Variants in TMEM108 observed in about 807,000 individuals in gnomAD.
TMEM108 encodes the protein cancer/testis antigen 124.
Under a neutral mutation model 35.1 loss-of-function variants are expected in TMEM108, and 12 were observed. The observed-to-expected ratio is 0.34, with a 90% CI of 0.22 to 0.55. The LOEUF is 0.55. Ranked by LOEUF, TMEM108 falls within the 20% of genes least tolerant of loss-of-function variation. The pLI is 0.89. For synonymous variants in TMEM108, 287 were observed against 308.6 expected (o/e 0.93, Z 0.73); for missense variants, 680 against 753.3 (o/e 0.90, Z 1.14).
intron 3 of TMEM108, among the ~76,000 whole-genome samples, chr3:133,372,276 C>T (rs954658): frequency 0.15 from 22,770 of 152,094 alleles, 1,872 homozygotes; most frequent in East Asian, 0.29. Flanking sequence ...CTTGGGCAGT[C>T]AGGATCAGAG....
chr3:133,129,161 A>G (rs1171834994), intron 2 of TMEM108, among the ~76,000 whole-genome samples: 1 of 152,140 alleles, frequency 6.6e-6, no homozygotes, highest in Non-Finnish European at 1.5e-5. Context: ...CCTGGCCAAC[A>G]TGGTGAAACC....
intron 3 of TMEM108, among the ~76,000 whole-genome samples, chr3:133,239,738 C>T (rs368103816): frequency 2.6e-5 from 4 of 152,314 alleles, no homozygotes; most frequent in East Asian, 1.9e-4. Flanking sequence ...CTATTGTAGA[C>T]TTATGAAGGG....
intron 3 of TMEM108, among the ~76,000 whole-genome samples, chr3:133,282,958 A>G (rs771718347): frequency 1.3e-5 from 2 of 152,250 alleles, no homozygotes; most frequent in Non-Finnish European, 2.9e-5. Flanking sequence ...GCATGGTGTT[A>G]CTTGTGTGAA....
At chr3:133,198,104 G>A (rs1416469639) in intron 2 of TMEM108, among the ~76,000 whole-genome samples, 1 of 152,204 alleles carries the variant, frequency 6.6e-6, no homozygotes, top group Non-Finnish European at 1.5e-5. Flanking sequence ...TCAGAAGGGT[G>A]AGCGTTGTCC....
intron 3 of TMEM108, among the ~76,000 whole-genome samples, chr3:133,254,067 G>A (rs898366243): frequency 2.0e-5 from 3 of 152,230 alleles, no homozygotes; most frequent in Non-Finnish European, 4.4e-5. Flanking sequence ...GCCAGGCACA[G>A]TGGGTCACAC....
chr3:133,168,925 C>CA (rs1945086273), intron 2 of TMEM108, among the ~76,000 whole-genome samples: 1 of 152,100 alleles, frequency 6.6e-6, no homozygotes, highest in Non-Finnish European at 1.5e-5. Flanking sequence ...CTGTAACACT[C>CA]ACGTGAAGGT....
At chr3:133,257,996 C>G (rs1347456647) in intron 3 of TMEM108, among the ~76,000 whole-genome samples, 1 of 152,070 alleles carries the variant, frequency 6.6e-6, no homozygotes, top group African/African-American at 2.4e-5. Context: ...AGTGAAAATA[C>G]CATTTATAAC....
chr3:133,289,317 G>A (rs1042797371), intron 3 of TMEM108, among the ~76,000 whole-genome samples: 2 of 152,126 alleles, frequency 1.3e-5, no homozygotes, highest in Admixed American at 6.6e-5. Flanking sequence ...GGGAAAATTT[G>A]CCCAAGTTCA....
At chr3:133,300,409 C>A (rs1288768828) in intron 3 of TMEM108, among the ~76,000 whole-genome samples, 2 of 152,070 alleles carry the variant, frequency 1.3e-5, no homozygotes, top group Non-Finnish European at 2.9e-5. Flanking sequence ...ACTTTGGCGG[C>A]AACTGGGTAA....
At chr3:133,187,188 GA>G (rs1945433203) in intron 2 of TMEM108, among the ~76,000 whole-genome samples, 1 of 152,168 alleles carries the variant, frequency 6.6e-6, no homozygotes, top group African/African-American at 2.4e-5. Flanking sequence ...CACATATGCA[GA>G]ACTGTTTTCT....
At chr3:133,369,533 A>G (rs2072596759) in intron 3 of TMEM108, among the ~76,000 whole-genome samples, 1 of 152,216 alleles carries the variant, frequency 6.6e-6, no homozygotes. Context: ...TGGAATTTGA[A>G]CAGGTTAAAA....
chr3:133,386,043 A>G (rs2073139744), intron 4 of TMEM108, among the ~76,000 whole-genome samples: 1 of 152,216 alleles, frequency 6.6e-6, no homozygotes, highest in South Asian at 2.1e-4. Flanking sequence ...AGAGTCTTAG[A>G]CTACAGTGTT....
chr3:133,251,218 G>A (rs886076621), intron 3 of TMEM108, among the ~76,000 whole-genome samples: 8 of 152,132 alleles, frequency 5.3e-5, no homozygotes, highest in Non-Finnish European at 1.2e-4. Context: ...TATTATATGT[G>A]CTATATCCTG....
At chr3:133,185,798 T>TTTTTTTTTTTTTTA (rs1945411922) in intron 2 of TMEM108, among the ~76,000 whole-genome samples, 1 of 138,070 alleles carries the variant, frequency 7.2e-6, no homozygotes, top group Non-Finnish European at 1.6e-5. Flanking sequence ...TTTTTTTTTT[T>TTTTTTTTTTTTTTA]TGAGACAGAG....
intron 2 of TMEM108, among the ~76,000 whole-genome samples, chr3:133,118,304 T>G (rs1944312037): frequency 6.6e-6 from 1 of 152,152 alleles, no homozygotes; most frequent in South Asian, 2.1e-4. Context: ...AGTCCTGAGA[T>G]TTCCCCAAAC....
At chr3:133,339,174 A>T (rs1444401475) in intron 3 of TMEM108, among the ~76,000 whole-genome samples, 1 of 151,756 alleles carries the variant, frequency 6.6e-6, no homozygotes, top group Non-Finnish European at 1.5e-5. Context: ...GGCTGAGTGG[A>T]TTAAAAAAAA....
chr3:133,394,753 T>TG (rs2073281471), intron 5 of TMEM108, among the ~76,000 whole-genome samples: 1 of 152,266 alleles, frequency 6.6e-6, no homozygotes, highest in African/African-American at 2.4e-5. Context: ...CTGAAGGAAA[T>TG]TCTTGTCTTC....
At chr3:133,227,653 T>TC in intron 2 of TMEM108, among the ~76,000 whole-genome samples, 1 of 151,498 alleles carries the variant, frequency 6.6e-6, no homozygotes, top group African/African-American at 2.4e-5. Flanking sequence ...TCCCAGCACT[T>TC]TGGGAGGCTG....
intron 3 of TMEM108, among the ~76,000 whole-genome samples, chr3:133,263,478 A>C (rs945253177): frequency 6.6e-6 from 1 of 152,206 alleles, no homozygotes; most frequent in South Asian, 2.1e-4. Flanking sequence ...ATTTTTCCCC[A>C]AATCTGTGAA....
Sources: gnomAD v4.1 joint callset for allele counts (sites outside exome capture counted in the v4.1 genomes callset) on GRCh38, gnomAD v4.1.1 for gene constraint, MANE v1.5 for transcripts, NCBI Gene and HGNC (gene_info 2026-07-23, HGNC 2026-07-21) for gene names.